Variants in WDR7 observed in about 807,000 individuals in gnomAD.
WDR7 encodes WD repeat-containing protein 7.
In WDR7, 46 loss-of-function variants were observed where a neutral mutation model predicts 169.4. That is an observed-to-expected ratio of 0.27 (90% CI 0.21 to 0.35). WDR7 has a LOEUF of 0.35. Among genes scored for constraint, WDR7 ranks in the 10% least tolerant of loss-of-function variants. The pLI is 1.00. For missense variants in WDR7, 1,534 were observed against 1,859.3 expected, an observed-to-expected ratio of 0.83 and a Z score of 3.22; for synonymous variants, 612 against 666.8, an observed-to-expected ratio of 0.92 and a Z score of 1.27.
chr18:56,760,940 T>C (rs1460757438), intron 16 of WDR7, among the ~76,000 whole-genome samples: 1 of 152,258 alleles, frequency 6.6e-6, no homozygotes, highest in East Asian at 1.9e-4. Context: ...CTCATATGTT[T>C]AATTTGCATT....
In WDR7 at chr18:56,893,281, G is replaced by A. The variant is rs192715322; in HGVS notation, c.3526+13116G>A. Among the ~76,000 whole-genome samples, 48 of 151,816 alleles carry A rather than the reference G, an allele frequency of 3.2e-4. 1 individual carries two copies. The highest frequency in any genetic ancestry group is 3.4e-3 in the Middle Eastern group (1 of 294). ...TTTCTGACAGTCCTGCAGAGTGATG[G>A]CTTCATATTTGTATGTCTTAATATA... is the stretch of plus-strand genomic sequence containing the variant. On this transcript the variant is annotated intron_variant, in intron 21 of 27. Transcript: ENST00000254442.
intron 26 of WDR7, among the ~76,000 whole-genome samples, chr18:57,011,102 A>G (rs941149441): frequency 6.6e-6 from 1 of 152,256 alleles, no homozygotes; most frequent in Admixed American, 6.5e-5. Context: ...CAAAATTACA[A>G]TAATACAATA....
intron 26 of WDR7, among the ~76,000 whole-genome samples, chr18:56,995,235 T>C (rs1568305221): frequency 6.6e-6 from 1 of 152,198 alleles, no homozygotes; most frequent in African/African-American, 2.4e-5. Flanking sequence ...CCTGCCTATT[T>C]CCTCAGAAAC....
At chr18:56,876,131 C>G (rs1302373533) in intron 20 of WDR7, among the ~76,000 whole-genome samples, 1 of 152,016 alleles carries the variant, frequency 6.6e-6, no homozygotes, top group Non-Finnish European at 1.5e-5. Context: ...TCCAGTAATA[C>G]AGAATGACAA....
intron 8 of WDR7, 97 bp from the exon 9 acceptor site, chr18:56,691,618 C>T: frequency 2.0e-6 from 2 of 1,005,278 alleles, no homozygotes; most frequent in South Asian, 4.7e-5. Flanking sequence ...ATTTAAAAAT[C>T]CCCTTTTTGT....
chr18:56,661,948 T>C (rs754600980), intron 1 of WDR7, among the ~76,000 whole-genome samples: 3 of 152,206 alleles, frequency 2.0e-5, no homozygotes, highest in Non-Finnish European at 2.9e-5. Flanking sequence ...TGATCTTGAC[T>C]TGGGTACACT....
At chr18:56,666,252 G>A (rs1438360690) in intron 1 of WDR7, among the ~76,000 whole-genome samples, 1 of 138,396 alleles carries the variant, frequency 7.2e-6, no homozygotes, top group Non-Finnish European at 1.5e-5. Context: ...TGCCCAGGCT[G>A]GAGTGCAACG....
chr18:57,033,581 C>A (rs942236026), downstream of WDR7: 1 of 152,146 alleles, frequency 6.6e-6, no homozygotes, highest in Non-Finnish European at 1.5e-5. Flanking sequence ...TTAAGAAAAG[C>A]TTTTGTTGTT....
chr18:56,929,561 G>A (rs2046853276), intron 22 of WDR7, among the ~76,000 whole-genome samples: 1 of 152,126 alleles, frequency 6.6e-6, no homozygotes. Flanking sequence ...CTTGGCTGAG[G>A]TCACAGTGGT....
chr18:56,673,438 C>T (rs370557828), intron 2 of WDR7, among the ~76,000 whole-genome samples: 1 of 152,138 alleles, frequency 6.6e-6, no homozygotes, highest in African/African-American at 2.4e-5. Flanking sequence ...TTCAAATGCA[C>T]GTTTTGACGT....
intron 21 of WDR7, among the ~76,000 whole-genome samples, chr18:56,917,577 T>C (rs367891698): frequency 2.0e-5 from 3 of 152,184 alleles, no homozygotes; most frequent in East Asian, 1.9e-4. Flanking sequence ...GTGTGTGTTA[T>C]GGCTTTTAAA....
chr18:56,853,326 G>A (rs1034438900), intron 20 of WDR7, among the ~76,000 whole-genome samples: 3 of 151,956 alleles, frequency 2.0e-5, no homozygotes, highest in East Asian at 3.9e-4. Context: ...TCACTTAGTC[G>A]TATATCATAA....
intron 7 of WDR7, among the ~76,000 whole-genome samples, chr18:56,690,036 T>C (rs1175580593): frequency 1.3e-5 from 2 of 152,190 alleles, no homozygotes; most frequent in African/African-American, 4.8e-5. Flanking sequence ...CTCTGATCTA[T>C]TGAGGAATGA....
chr18:56,676,416 T>A (rs1254056380), intron 2 of WDR7, among the ~76,000 whole-genome samples: 1 of 152,186 alleles, frequency 6.6e-6, no homozygotes, highest in African/African-American at 2.4e-5. Context: ...AAGGACTTAT[T>A]TCTGCTATTT....
intron 20 of WDR7, among the ~76,000 whole-genome samples, chr18:56,851,655 A>G (rs1218425658): frequency 1.3e-5 from 2 of 152,294 alleles, no homozygotes; most frequent in Middle Eastern, 3.4e-3. Flanking sequence ...TTGATCCTTC[A>G]TGATGTCCCT....
intron 21 of WDR7, among the ~76,000 whole-genome samples, chr18:56,886,785 A>G (rs1446594828): frequency 1.3e-5 from 2 of 152,220 alleles, no homozygotes; most frequent in Non-Finnish European, 2.9e-5. Context: ...ATCTTTTTCT[A>G]CAAAAGATAT....
At chr18:56,651,954 T>C (rs1053643431) in intron 1 of WDR7, among the ~76,000 whole-genome samples, 2 of 152,226 alleles carry the variant, frequency 1.3e-5, no homozygotes, top group Non-Finnish European at 2.9e-5. Context: ...GGGGTTCATA[T>C]AGTCTTTCCT....
intron 22 of WDR7, among the ~76,000 whole-genome samples, chr18:56,931,663 C>T (rs1303025608): frequency 6.6e-6 from 1 of 152,050 alleles, no homozygotes; most frequent in Non-Finnish European, 1.5e-5. Flanking sequence ...GTATTAAGGG[C>T]CTGGAATAAA....
At chr18:56,665,709 A>G (rs2025005347) in intron 1 of WDR7, among the ~76,000 whole-genome samples, 1 of 151,962 alleles carries the variant, frequency 6.6e-6, no homozygotes. Context: ...AGTAGAAAGA[A>G]CAGTATAATG....
Sources: gnomAD v4.1 joint callset for allele counts (sites outside exome capture counted in the v4.1 genomes callset) on GRCh38, gnomAD v4.1.1 for gene constraint, MANE v1.5 for transcripts, NCBI Gene and HGNC (gene_info 2026-07-23, HGNC 2026-07-21) for gene names.